CDC73: variants seen among roughly 807,000 people sequenced by gnomAD.
CDC73 encodes parafibromin.
A neutral mutation model predicts 83.7 loss-of-function variants in CDC73; 21 were observed. The ratio of observed to expected loss-of-function variants is 0.25; its 90% CI spans 0.18 to 0.36. The LOEUF (loss-of-function observed/expected upper bound fraction) is 0.36, where lower values mean the gene tolerates loss of function less well. CDC73 is among the 10% of genes least tolerant of loss of function. CDC73 has a pLI of 1.00. For synonymous variants in CDC73, 224 were observed against 212.9 expected, an observed-to-expected ratio of 1.05 and a Z score of -0.45; for missense variants, 342 against 653.3, an observed-to-expected ratio of 0.52 and a Z score of 5.19.
Position 193,126,099 on chromosome 1 carries a change from AAAAG to A in CDC73, c.237+886_237+889del, listed in dbSNP as rs1284152092. 2.0e-5 allele frequency among the ~76,000 whole-genome samples: 3 copies of A among 152,318 alleles called. No individual in the cohort carries two copies. In the East Asian group the frequency reaches 5.8e-4, roughly 29 times the overall value. On this transcript the variant is annotated intron_variant, in intron 2 of 16. Transcript: ENST00000367435. The stretch of plus-strand genomic sequence containing the variant: ...AACATAGTGAGATGCCATCTCAAGA[AAAAG>A]AAAACCCGAAACGCTAAAAGTATTT...
Position 193,150,225 on chromosome 1 carries a change from C to A in CDC73, c.829-79C>A. 4.0e-6 allele frequency: 4 copies of A among 1,006,946 alleles called. No homozygotes were observed. In the South Asian group the frequency reaches 5.3e-5, roughly 13 times the overall value. 62.4% of individuals were successfully genotyped at this position (1,006,946 alleles called of 1,614,324 possible). On this transcript the variant is annotated intron_variant, in intron 8 of 16. Transcript: ENST00000367435. ...GGTCTTGGCTGCAGTGAGCCATGGT[C>A]ATGCTACTGCACTCCAGCACATTAA...
chr1:193,224,328 C>T (rs1292000561), intron 13 of CDC73, among the ~76,000 whole-genome samples: 1 of 114,430 alleles, frequency 8.7e-6, no homozygotes, highest in Non-Finnish European at 1.8e-5. Context: ...TACTCAATGC[C>T]ATTGTTCCAT....
intron 2 of CDC73, 58 bp downstream of exon 2, chr1:193,125,275 A>G: frequency 9.1e-7 from 1 of 1,098,316 alleles, no homozygotes; most frequent in Non-Finnish European, 1.4e-6. Context: ...TTATTTATTT[A>G]AGAGACAGGG....
In CDC73 at chr1:193,122,038, C is replaced by A; in HGVS notation, c.-163C>A. The A allele has an allele frequency of 1.5e-6, 1 of 668,540 alleles. No individual in the cohort carries two copies. The highest frequency in any genetic ancestry group is 2.6e-6 in the Non-Finnish European group (1 of 380,148). 41.4% of individuals were successfully genotyped at this position (668,540 alleles called of 1,614,324 possible). Reference sequence around the variant, plus strand: ...TCCTCGGCGGCCTGGGTGGCTACTGCCCCTGCTGCTGTCGTAGGCGAGGAC... The same window carrying A: ...TCCTCGGCGGCCTGGGTGGCTACTGACCCTGCTGCTGTCGTAGGCGAGGAC... On this transcript the variant is annotated 5_prime_UTR_variant, in exon 1 of 17. Coordinates refer to ENST00000367435, the MANE Select transcript of CDC73 (RefSeq NM_024529.5).
chr1:193,154,508 G>A (rs1354303044), intron 10 of CDC73, among the ~76,000 whole-genome samples: 2 of 152,188 alleles, frequency 1.3e-5, no homozygotes, highest in East Asian at 3.8e-4. Context: ...GAAGTATACT[G>A]AAAAGAGAGG....
At chr1:193,204,247 A>ATGTGTGTGTGTG (rs1233894531) in intron 11 of CDC73, among the ~76,000 whole-genome samples, 1 of 123,058 alleles carries the variant, frequency 8.1e-6, no homozygotes, top group African/African-American at 3.2e-5. Flanking sequence ...ACGTATATAT[A>ATGTGTGTGTGTG]TGTGTATGTG....
intron 11 of CDC73, among the ~76,000 whole-genome samples, chr1:193,205,692 C>A (rs1330920872): frequency 6.6e-6 from 1 of 152,006 alleles, no homozygotes; most frequent in Non-Finnish European, 1.5e-5. Flanking sequence ...ATACCAGAAT[C>A]CATCGTGAGA....
At chr1:193,213,354 T>G (rs1292012287) in intron 13 of CDC73, among the ~76,000 whole-genome samples, 1 of 120,586 alleles carries the variant, frequency 8.3e-6, no homozygotes, top group East Asian at 2.9e-4. Context: ...GTTGCAAATT[T>G]TTTCCTCAGT....
intron 10 of CDC73, among the ~76,000 whole-genome samples, chr1:193,182,187 A>G (rs969280419): frequency 8.5e-5 from 13 of 152,158 alleles, no homozygotes; most frequent in African/African-American, 3.1e-4. Context: ...TGTTAGTCAC[A>G]GTACACTGCT....
At chr1:193,172,124 C>T (rs565845282) in intron 10 of CDC73, among the ~76,000 whole-genome samples, 8 of 151,880 alleles carry the variant, frequency 5.3e-5, no homozygotes, top group South Asian at 4.2e-4. Flanking sequence ...GGGGTTTCAC[C>T]GTGTTGGCTA....
At chr1:193,131,542 G>A (rs1214258104) in intron 3 of CDC73, among the ~76,000 whole-genome samples, 1 of 152,054 alleles carries the variant, frequency 6.6e-6, no homozygotes, top group Non-Finnish European at 1.5e-5. Context: ...CTCACCTGTG[G>A]CTTCCCATCA....
chr1:193,243,095 G>A (rs1328437649), intron 15 of CDC73, among the ~76,000 whole-genome samples: 4 of 151,776 alleles, frequency 2.6e-5, no homozygotes, highest in Non-Finnish European at 2.9e-5. Context: ...ACAGGTGCAC[G>A]CCACCATGCC....
chr1:193,177,033 TTTCTC>T (rs1198617839), intron 10 of CDC73, among the ~76,000 whole-genome samples: 1 of 152,094 alleles, frequency 6.6e-6, no homozygotes, highest in African/African-American at 2.4e-5. Flanking sequence ...TATACTCTCT[TTTCTC>T]TTGTCTTTAT....
chr1:193,212,088 A>G lies in CDC73; in HGVS notation c.1054A>G (p.Asn352Asp), dbSNP rs1677289702. 2 of 1,584,422 alleles carry G rather than the reference A, an allele frequency of 1.3e-6. No individual in the cohort carries two copies. Among genetic ancestry groups the G allele is most frequent in the Non-Finnish European group, 1.7e-6 (2 of 1,160,506 alleles). Residue 352 changes from asparagine to aspartate, a missense_variant, in exon 12 of 17, where the codon AAT becomes GAT. Asn to Asp is a conservative substitution (Grantham distance 23, BLOSUM62 1). Coordinates refer to ENST00000367435, the MANE Select transcript of CDC73 (RefSeq NM_024529.5). ...RPVSQARPPP[N>D]QKKGSRTPII... The stretch of plus-strand genomic sequence containing the variant: ...AGTTTCTCAAGCAAGACCTCCCCCA[A>G]ATCAGAAGAAAGGTGAGGTTGTGCA...
chr1:193,140,634 G>A (rs1324942225), intron 6 of CDC73, among the ~76,000 whole-genome samples: 1 of 152,142 alleles, frequency 6.6e-6, no homozygotes, highest in Non-Finnish European at 1.5e-5. Context: ...TAACCGAGAT[G>A]GCTATTAAGC....
Position 193,125,220 on chromosome 1 carries a change from A to G in CDC73, c.237+3A>G, listed in dbSNP as rs1371829580. 1.3e-6 allele frequency: 2 copies of G among 1,487,926 alleles called. No homozygotes were observed. Among genetic ancestry groups the G allele is most frequent in the Non-Finnish European group, 9.4e-7 (1 of 1,064,866 alleles). 92.2% of individuals were successfully genotyped at this position (1,487,926 alleles called of 1,614,324 possible). A position where few individuals can be genotyped will look rare whatever the true frequency, so the allele number is the denominator to read the frequency against. On this transcript the variant is annotated splice_donor_region_variant and intron_variant, in intron 2 of 16. Transcript: ENST00000367435. ...CTGTTTATGTCCGACGTGCAGCTGT[A>G]AGTAGAATTCATTTTACTTATCTAT...
intron 13 of CDC73, among the ~76,000 whole-genome samples, chr1:193,216,766 C>T (rs1367924594): frequency 6.6e-6 from 1 of 152,180 alleles, no homozygotes; most frequent in East Asian, 1.9e-4. Context: ...TAGGCTTTAT[C>T]CCTGGGATGC....
chr1:193,200,321 A>C (rs992018486), intron 10 of CDC73, among the ~76,000 whole-genome samples: 3 of 152,090 alleles, frequency 2.0e-5, no homozygotes, highest in African/African-American at 7.2e-5. Context: ...TTTTTTTCTG[A>C]TGGTATTATA....
intron 10 of CDC73, among the ~76,000 whole-genome samples, chr1:193,197,444 CAG>C (rs1175779744): frequency 1.3e-5 from 2 of 152,112 alleles, no homozygotes; most frequent in African/African-American, 4.8e-5. Flanking sequence ...AATACACAGA[CAG>C]AAACACATAT....
Sources: allele counts gnomAD v4.1 joint callset (sites outside exome capture counted in the v4.1 genomes callset), GRCh38; gene constraint gnomAD v4.1.1; transcripts MANE v1.5; gene names NCBI Gene and HGNC (gene_info 2026-07-23, HGNC 2026-07-21).